CHDH: variants seen among roughly 807,000 people sequenced by gnomAD.
CHDH encodes the protein choline dehydrogenase, mitochondrial.
A neutral mutation model predicts 56.9 loss-of-function variants in CHDH; 43 were observed. The observed-to-expected ratio is 0.76, with a 90% CI of 0.59 to 0.97. The LOEUF (loss-of-function observed/expected upper bound fraction) is 0.97, where lower values mean the gene tolerates loss of function less well. Among genes scored for constraint, CHDH ranks in the 50% least tolerant of loss-of-function variants. The pLI, the probability that CHDH is intolerant of heterozygous loss-of-function variation, is 0.00. For missense variants in CHDH, 816 were observed against 821.1 expected, an observed-to-expected ratio of 0.99 and a Z score of 0.08; for synonymous variants, 364 against 348.5, an observed-to-expected ratio of 1.04 and a Z score of -0.50.
In CHDH at chr3:53,846,188, C is replaced by T. The variant is rs1000701076; in HGVS notation, c.-236G>A. On this transcript the variant is annotated 5_prime_UTR_variant, in exon 1 of 9. Coordinates refer to ENST00000315251, the MANE Select transcript of CHDH (RefSeq NM_018397.5). ...GGCACTTTAACCGGCGGCGCCGGCGCCCCGCGCGCTCTCTGCGTCCGGAAT... is the reference window on the plus strand; with the variant it reads ...GGCACTTTAACCGGCGGCGCCGGCGTCCCGCGCGCTCTCTGCGTCCGGAAT... 4.2e-4 allele frequency: 73 copies of T among 171,880 alleles called. No homozygotes were observed. The highest frequency in any genetic ancestry group is 4.3e-4 in the Non-Finnish European group (35 of 81,336). The allele number at this position is 171,880 out of a possible 1,614,324, so 10.6% of individuals were successfully genotyped here. A position where few individuals can be genotyped will look rare whatever the true frequency, so the allele number is the denominator to read the frequency against.
At position 53,845,094 on chromosome 3, in the gene CHDH, G is replaced by A. The variant is rs369014867; in HGVS notation, c.-131+989C>T. Among the ~76,000 whole-genome samples the A allele has an allele frequency of 1.1e-3, 164 of 152,374 alleles. 3 individuals are homozygous for A. In the South Asian group the frequency reaches 0.034, roughly 31 times the overall value. ...GTTCTCAAGGGCCACAGGGCCCAAA[G>A]CAACTCAGAGAGGTGGAATGAGGGG... On this transcript the variant is annotated intron_variant, in intron 1 of 8. Coordinates refer to ENST00000315251, the MANE Select transcript of CHDH (RefSeq NM_018397.5).
chr3:53,841,964 T>C (rs373774825), intron 1 of CHDH, among the ~76,000 whole-genome samples: 2 of 151,964 alleles, frequency 1.3e-5, no homozygotes, highest in African/African-American at 4.8e-5. Context: ...CTCAGTAACA[T>C]AGCAAGACCC....
At chr3:53,841,731 G>C (rs1316931175) in intron 1 of CHDH, among the ~76,000 whole-genome samples, 1 of 152,128 alleles carries the variant, frequency 6.6e-6, no homozygotes, top group Non-Finnish European at 1.5e-5. Flanking sequence ...TCAGGAGCTG[G>C]GACTAGTGTA....
chr3:53,823,563 C>A lies in CHDH; in HGVS notation c.446G>T (p.Arg149Leu). Residue 149 changes from arginine to leucine, a missense_variant, in exon 3 of 9, where the codon CGC (arginine) becomes CTC (leucine). By Grantham distance (102) the Arg-to-Leu change is moderately radical. Transcript: ENST00000315251. Reference protein sequence around the residue: ...YVRGHAEDYERWQRQGARGWD... With the variant: ...YVRGHAEDYELWQRQGARGWD... Reference sequence around the variant, plus strand: ...GCCGCGGGCGCCCTGGCGCTGCCAGCGCTCGTAGTCCTCGGCGTGCCCACG... The same window carrying A: ...GCCGCGGGCGCCCTGGCGCTGCCAGAGCTCGTAGTCCTCGGCGTGCCCACG... 6.5e-7 allele frequency: 1 copy of A among 1,542,962 alleles called. No individual in the cohort carries two copies.
chr3:53,815,400 C>T lies in CHDH; in HGVS notation c.*2377G>A, dbSNP rs1229482560. The T allele has an allele frequency of 6.6e-6, 1 of 152,244 alleles. No individual in the cohort carries two copies. Among genetic ancestry groups the T allele is most frequent in the Non-Finnish European group, 1.5e-5 (1 of 68,060 alleles). 9.4% of individuals were successfully genotyped at this position (152,244 alleles called of 1,614,324 possible). Reference sequence around the variant, plus strand: ...CTGGCTTCCTCAGGTGACAGCCTCTCCTCCTGGGGTGAATGAAAGACTCCC... The same window carrying T: ...CTGGCTTCCTCAGGTGACAGCCTCTTCTCCTGGGGTGAATGAAAGACTCCC... On this transcript the variant is annotated 3_prime_UTR_variant, in exon 9 of 9. Coordinates refer to ENST00000315251, the MANE Select transcript of CHDH (RefSeq NM_018397.5).
At chr3:53,820,195 G>A (rs529624330) in intron 6 of CHDH, among the ~76,000 whole-genome samples, 8 of 152,296 alleles carry the variant, frequency 5.3e-5, no homozygotes, top group East Asian at 3.9e-4. Context: ...CTGCTCATCC[G>A]TAAGGAGGAG....
At chr3:53,825,969 T>C (rs1280642014) in intron 2 of CHDH, among the ~76,000 whole-genome samples, 1 of 151,926 alleles carries the variant, frequency 6.6e-6, no homozygotes. Flanking sequence ...TTTACTGAAA[T>C]TGAAAAATTA....
Position 53,818,078 on chromosome 3 carries a change from T to TCTGA in CHDH, c.1480_1483dup (p.Asp495ValfsTer3). ...CCGCACAAAGGCATCTATCTCTTTA[T>TCTGA]CTGACTGAATGTGGCTTCCTGGCTG... On this transcript the variant is annotated frameshift_variant, in exon 9 of 9. Coordinates refer to ENST00000315251, the MANE Select transcript of CHDH (RefSeq NM_018397.5). LOFTEE classifies it high-confidence loss of function. The TCTGA allele has an allele frequency of 6.2e-7, 1 of 1,614,192 alleles. No individual in the cohort carries two copies. Among genetic ancestry groups the TCTGA allele is most frequent in the East Asian group, 2.2e-5 (1 of 44,884 alleles).
intron 2 of CHDH, among the ~76,000 whole-genome samples, chr3:53,835,545 T>C (rs1448701382): frequency 6.6e-6 from 1 of 152,194 alleles, no homozygotes; most frequent in African/African-American, 2.4e-5. Context: ...CAAAGGAGGA[T>C]TCAGGGCAGG....
chr3:53,819,447 G>T lies in CHDH; in HGVS notation c.1263+85C>A. On this transcript the variant is annotated intron_variant, in intron 7 of 8. Coordinates refer to ENST00000315251, the MANE Select transcript of CHDH (RefSeq NM_018397.5). This position sits in a 1 kb window ranked among gnomAD's most constrained non-coding sequence, Gnocchi z 5.4. ...CTCTGCAGCCATATGGCACCAGGGAGAATGCTGCCTTGGAAGATGGGAGCA... is the reference window on the plus strand; with the variant it reads ...CTCTGCAGCCATATGGCACCAGGGATAATGCTGCCTTGGAAGATGGGAGCA... 6.6e-7 allele frequency: 1 copy of T among 1,507,652 alleles called. No individual in the cohort carries two copies. The highest frequency in any genetic ancestry group is 9.0e-7 in the Non-Finnish European group (1 of 1,116,546). The allele number at this position is 1,507,652 out of a possible 1,614,324, so 93.4% of individuals were successfully genotyped here.
intron 2 of CHDH, among the ~76,000 whole-genome samples, chr3:53,838,837 A>C (rs1391114837): frequency 6.6e-6 from 1 of 152,220 alleles, no homozygotes; most frequent in Non-Finnish European, 1.5e-5. Context: ...GCAGACACAG[A>C]AGCAGAGGCC....
At chr3:53,825,564 T>C (rs939585978) in intron 2 of CHDH, among the ~76,000 whole-genome samples, 1 of 152,008 alleles carries the variant, frequency 6.6e-6, no homozygotes, top group Non-Finnish European at 1.5e-5. Flanking sequence ...TCTGGGACAA[T>C]ATCAAACTAA....
At chr3:53,835,633 T>A (rs1576800869) in intron 2 of CHDH, among the ~76,000 whole-genome samples, 1 of 152,370 alleles carries the variant, frequency 6.6e-6, no homozygotes, top group East Asian at 1.9e-4. Context: ...CAAGATTCCC[T>A]ACATGCTAGG....
In CHDH at chr3:53,817,675, A is replaced by C. The variant is rs1211073075; in HGVS notation, c.*102T>G. 3.1e-6 allele frequency: 3 copies of C among 955,678 alleles called. No individual in the cohort carries two copies. The African/African-American group carries it at 5.0e-5, about 16-fold the overall frequency. 59.2% of individuals were successfully genotyped at this position (955,678 alleles called of 1,614,324 possible). A position where few individuals can be genotyped will look rare whatever the true frequency, so the allele number is the denominator to read the frequency against. ...CTGAGTAGGGTACCACCTGGGTCCT[A>C]GTGTGCTAGATAGTTTCAGGCAGGA... On this transcript the variant is annotated 3_prime_UTR_variant, in exon 9 of 9. Transcript: ENST00000315251.
chr3:53,824,694 A>G (rs190233469), intron 2 of CHDH, among the ~76,000 whole-genome samples: 2 of 152,370 alleles, frequency 1.3e-5, no homozygotes, highest in African/African-American at 4.8e-5. Context: ...ATCACTCTGT[A>G]GAATGCTAGC....
chr3:53,818,956 G>C lies in CHDH; in HGVS notation c.1348C>G (p.Pro450Ala). The C allele has an allele frequency of 6.2e-7, 1 of 1,612,430 alleles. No individual in the cohort carries two copies. The highest frequency in any genetic ancestry group is 8.5e-7 in the Non-Finnish European group (1 of 1,178,420). Residue 450 changes from proline (P) to alanine (A), a missense_variant, in exon 8 of 9, where the codon CCC (proline) becomes GCC (alanine). Transcript: ENST00000315251. ...ANPQDHPVIQ[P>A]NYLSTETDIE... is the part of the protein sequence containing the mutation. ...GAAGTACCTGTTGACAAGTAGTTGG[G>C]CTGGATCACAGGGTGGTCTTGGGGA... is the stretch of plus-strand genomic sequence containing the variant.
intron 1 of CHDH, among the ~76,000 whole-genome samples, chr3:53,843,700 G>T (rs1310359330): frequency 6.6e-6 from 1 of 152,032 alleles, no homozygotes; most frequent in African/African-American, 2.4e-5. Flanking sequence ...GGACAGGAAG[G>T]CACACTGGCT....
At chr3:53,836,255 C>A (rs1490096343) in intron 2 of CHDH, among the ~76,000 whole-genome samples, 1 of 152,174 alleles carries the variant, frequency 6.6e-6, no homozygotes, top group African/African-American at 2.4e-5. Context: ...CCACCCCCAA[C>A]CCAGGCCTCC....
In CHDH at chr3:53,819,725, T is replaced by G. The variant is rs1576777178; in HGVS notation, c.1121-51A>C. ...GAAGAGCCAGTCAGGCCGTGGCAGG[T>G]GGGCCGGCTGCTCCTGGTTTCCCTC... On this transcript the variant is annotated intron_variant, in intron 6 of 8. Coordinates refer to ENST00000315251, the MANE Select transcript of CHDH (RefSeq NM_018397.5). This position sits in a 1 kb window ranked among gnomAD's most constrained non-coding sequence, Gnocchi z 5.4. The G allele has an allele frequency of 6.7e-7, 1 of 1,493,680 alleles. No individual in the cohort carries two copies. The highest frequency in any genetic ancestry group is 2.5e-5 in the East Asian group (1 of 40,576). 92.5% of individuals were successfully genotyped at this position (1,493,680 alleles called of 1,614,324 possible).
Sources: gnomAD v4.1 joint callset for allele counts (sites outside exome capture counted in the v4.1 genomes callset) on GRCh38, gnomAD v4.1.1 for gene constraint, Gnocchi (gnomAD v3.1) non-coding constraint, MANE v1.5 for transcripts, NCBI Gene and HGNC (gene_info 2026-07-23, HGNC 2026-07-21) for gene names.